Variants in FARS2 observed in about 807,000 individuals in gnomAD.
FARS2 encodes phenylalanine--tRNA ligase, mitochondrial.
In FARS2, 40 loss-of-function variants were observed where a neutral mutation model predicts 46.4. The ratio of observed to expected loss-of-function variants is 0.86; its 90% CI spans 0.67 to 1.12. FARS2 has a LOEUF of 1.12. Ranked by LOEUF, FARS2 falls within the 50% of genes most tolerant of loss-of-function variation. FARS2 has a pLI of 0.00. For missense variants in FARS2, 513 were observed against 567.9 expected, an observed-to-expected ratio of 0.90 and a Z score of 0.98; for synonymous variants, 234 against 214.9, an observed-to-expected ratio of 1.09 and a Z score of -0.78.
intron 4 of FARS2, among the ~76,000 whole-genome samples, chr6:5,479,975 T>C (rs563460888): frequency 6.6e-6 from 1 of 152,368 alleles, no homozygotes; most frequent in South Asian, 2.1e-4. Flanking sequence ...CCTTCTGTCA[T>C]GTCTGTGTCT....
chr6:5,693,291 T>C (rs917267445), intron 6 of FARS2, among the ~76,000 whole-genome samples: 3 of 152,076 alleles, frequency 2.0e-5, no homozygotes, highest in Non-Finnish European at 2.9e-5. Flanking sequence ...GATCTAAATA[T>C]TTTACTTTAT....
At chr6:5,603,788 TTAAG>T (rs2150643345) in intron 5 of FARS2, among the ~76,000 whole-genome samples, 1 of 152,334 alleles carries the variant, frequency 6.6e-6, no homozygotes, top group African/African-American at 2.4e-5. Flanking sequence ...GATCCTGTCT[TTAAG>T]TAAGCTCGTA....
intron 4 of FARS2, among the ~76,000 whole-genome samples, chr6:5,493,982 G>A (rs751911553): frequency 1.3e-5 from 2 of 152,166 alleles, no homozygotes; most frequent in Non-Finnish European, 2.9e-5. Flanking sequence ...GTGATACAAT[G>A]ACAGTGAGTG....
chr6:5,417,196 T>C (rs1444623603), intron 3 of FARS2, among the ~76,000 whole-genome samples: 1 of 152,150 alleles, frequency 6.6e-6, no homozygotes, highest in Non-Finnish European at 1.5e-5. Context: ...AAAAGAATTC[T>C]AGATTAATAG....
chr6:5,730,569 A>G (rs1375026131), intron 6 of FARS2, among the ~76,000 whole-genome samples: 1 of 151,956 alleles, frequency 6.6e-6, no homozygotes, highest in East Asian at 1.9e-4. Flanking sequence ...TTTTCCAAAG[A>G]TGTGTCACAA....
intron 6 of FARS2, among the ~76,000 whole-genome samples, chr6:5,710,961 GCTGCTAA>G (rs1759108201): frequency 3.9e-5 from 6 of 152,198 alleles, no homozygotes; most frequent in Non-Finnish European, 8.8e-5. Context: ...TGGACTGAAA[GCTGCTAA>G]CAGCTTAAAA....
At chr6:5,521,431 G>A (rs1165144106) in intron 4 of FARS2, among the ~76,000 whole-genome samples, 1 of 152,034 alleles carries the variant, frequency 6.6e-6, no homozygotes, top group Non-Finnish European at 1.5e-5. Context: ...ATGTATAAAG[G>A]GAAAGGCAGG....
At chr6:5,502,956 T>C (rs1388455801) in intron 4 of FARS2, among the ~76,000 whole-genome samples, 1 of 152,152 alleles carries the variant, frequency 6.6e-6, no homozygotes, top group Non-Finnish European at 1.5e-5. Flanking sequence ...TGGAAGTTCA[T>C]TTTGTCAAAG....
At chr6:5,730,648 C>T (rs560645688) in intron 6 of FARS2, among the ~76,000 whole-genome samples, 1 of 152,204 alleles carries the variant, frequency 6.6e-6, no homozygotes, top group South Asian at 2.1e-4. Flanking sequence ...TAAACCTCCT[C>T]CTAAGAGGAG....
chr6:5,566,971 A>G (rs7765217), intron 5 of FARS2, among the ~76,000 whole-genome samples: 89,718 of 152,148 alleles, frequency 0.59, 28,582 homozygotes, highest in Middle Eastern at 0.73. Context: ...TGACCCAAAC[A>G]ACTTCATTTT....
At chr6:5,692,354 G>C (rs1185466004) in intron 6 of FARS2, among the ~76,000 whole-genome samples, 1 of 152,152 alleles carries the variant, frequency 6.6e-6, no homozygotes, top group Non-Finnish European at 1.5e-5. Context: ...GAATTTCTTA[G>C]GCTGTTTAAA....
At chr6:5,694,651 A>T (rs1202181911) in intron 6 of FARS2, among the ~76,000 whole-genome samples, 1 of 152,102 alleles carries the variant, frequency 6.6e-6, no homozygotes, top group African/African-American at 2.4e-5. Context: ...GTTCTAAAGG[A>T]CTCAGCAATG....
At chr6:5,484,091 A>G (rs955930287) in intron 4 of FARS2, among the ~76,000 whole-genome samples, 1 of 152,200 alleles carries the variant, frequency 6.6e-6, no homozygotes, top group East Asian at 1.9e-4. Flanking sequence ...CAACAGAATG[A>G]GTGAGACCCT....
intron 6 of FARS2, among the ~76,000 whole-genome samples, chr6:5,643,824 G>A (rs1171690831): frequency 2.6e-5 from 4 of 152,128 alleles, no homozygotes; most frequent in Admixed American, 2.0e-4. Context: ...AGAAAGACTT[G>A]GAATAATTCT....
At chr6:5,269,669 T>C (rs942691347) in intron 1 of FARS2, among the ~76,000 whole-genome samples, 5 of 152,142 alleles carry the variant, frequency 3.3e-5, no homozygotes, top group African/African-American at 1.2e-4. Flanking sequence ...CAGTGTTGAG[T>C]CTGTTTACAA....
chr6:5,473,332 C>T (rs1765908296), intron 4 of FARS2, among the ~76,000 whole-genome samples: 1 of 151,934 alleles, frequency 6.6e-6, no homozygotes, highest in Non-Finnish European at 1.5e-5. Context: ...TGAGACCATC[C>T]TGGCTAACAC....
chr6:5,566,315 G>A (rs992431294), intron 5 of FARS2, among the ~76,000 whole-genome samples: 21 of 150,820 alleles, frequency 1.4e-4, no homozygotes, highest in African/African-American at 4.9e-4. Context: ...ATCCCTTACA[G>A]TGTATTTTCT....
chr6:5,251,421 T>C, the FARS2 span, among the ~76,000 whole-genome samples: 1 of 152,162 alleles, frequency 6.6e-6, no homozygotes, highest in Admixed American at 6.5e-5. Flanking sequence ...TGTACAGGAA[T>C]TGTGATGCTG....
At chr6:5,294,619 C>T (rs963385194) in intron 1 of FARS2, among the ~76,000 whole-genome samples, 2 of 152,148 alleles carry the variant, frequency 1.3e-5, no homozygotes, top group Non-Finnish European at 2.9e-5. Context: ...ATGACTTCCT[C>T]TTTGGGTGTG....
Sources: gnomAD v4.1 joint callset for allele counts (sites outside exome capture counted in the v4.1 genomes callset) on GRCh38, gnomAD v4.1.1 for gene constraint, MANE v1.5 for transcripts, NCBI Gene and HGNC (gene_info 2026-07-23, HGNC 2026-07-21) for gene names.